The following TXNDC16 variants were observed in gnomAD, a reference collection of about 807,000 sequenced individuals.
The protein encoded by TXNDC16 is thioredoxin domain-containing protein 16.
In TXNDC16, 74 loss-of-function variants were observed where a neutral mutation model predicts 85.6. The ratio of observed to expected loss-of-function variants is 0.86; its 90% CI spans 0.72 to 1.05. The LOEUF (loss-of-function observed/expected upper bound fraction) is 1.05. TXNDC16 is among the 50% of genes least tolerant of loss of function. The pLI is 0.00. For missense variants in TXNDC16, 959 were observed against 947.0 expected (o/e 1.01, Z -0.17); for synonymous variants, 335 against 326.5 (o/e 1.03, Z -0.28).
chr14:52,467,874 A>C (rs1455608488), intron 16 of TXNDC16, among the ~76,000 whole-genome samples: 2 of 152,200 alleles, frequency 1.3e-5, no homozygotes, highest in Admixed American at 1.3e-4. Context: ...TAAACAGATA[A>C]ACAAAATAAG....
chr14:52,548,600 G>A (rs542134560), intron 1 of TXNDC16, among the ~76,000 whole-genome samples: 1 of 152,208 alleles, frequency 6.6e-6, no homozygotes, highest in Admixed American at 6.5e-5. Flanking sequence ...AACACTATTA[G>A]GCCAGGCACG....
At chr14:52,486,281 CTTTTTTTTTTT>C (rs35703912) in intron 12 of TXNDC16, among the ~76,000 whole-genome samples, 1 of 114,390 alleles carries the variant, frequency 8.7e-6, no homozygotes, top group Non-Finnish European at 1.8e-5. Flanking sequence ...ACACATGCTG[CTTTTTTTTTTT>C]TTTTTTTTTG....
At chr14:52,525,490 G>GAACA (rs893954774) in intron 6 of TXNDC16, among the ~76,000 whole-genome samples, 1 of 143,704 alleles carries the variant, frequency 7.0e-6, no homozygotes, top group African/African-American at 2.5e-5. Flanking sequence ...AGGAATTTGA[G>GAACA]AACAGCCTAA....
chr14:52,521,401 G>A (rs1453850450), intron 6 of TXNDC16, among the ~76,000 whole-genome samples: 4 of 151,848 alleles, frequency 2.6e-5, no homozygotes, highest in Non-Finnish European at 5.9e-5. Context: ...GATTACAGGC[G>A]TGAGTCACTG....
chr14:52,432,223 AAATGATTTAATATTATTCTTT>A lies in TXNDC16; in HGVS notation c.*60_*80del. On this transcript the variant is annotated 3_prime_UTR_variant, in exon 21 of 21. Coordinates refer to ENST00000281741, the MANE Select transcript of TXNDC16 (RefSeq NM_020784.3). ...TGGATGGCACTAGTCTGCAAACTTG[AAATGATTTAATATTATTCTTT>A]AAGGAAATAAATTAAGTCTATCATG... is the stretch of plus-strand genomic sequence containing the variant. 7.6e-7 allele frequency: 1 copy of A among 1,309,390 alleles called. No individual in the cohort carries two copies. Among genetic ancestry groups the A allele is most frequent in the Non-Finnish European group, 1.0e-6 (1 of 970,028 alleles). The allele number at this position is 1,309,390 out of a possible 1,614,324, so 81.1% of individuals were successfully genotyped here.
At chr14:52,530,931 T>C (rs942892641) in intron 6 of TXNDC16, among the ~76,000 whole-genome samples, 2 of 151,582 alleles carry the variant, frequency 1.3e-5, no homozygotes, top group East Asian at 1.9e-4. Flanking sequence ...TGGGAGAAAA[T>C]ACTTGTGAAA....
At chr14:52,530,430 ATAATATATAATATAT>A (rs1358232628) in intron 6 of TXNDC16, among the ~76,000 whole-genome samples, 62 of 18,046 alleles carry the variant, frequency 3.4e-3, no homozygotes, top group Admixed American at 6.0e-3. Context: ...ATTATATATA[ATAATATATAATATAT>A]TATTATATAA....
rs568190699 is a variant in TXNDC16, at chr14:52,439,813, G to A, written c.2004-419C>T. Among the ~76,000 whole-genome samples the A allele has an allele frequency of 1.1e-3, 171 of 152,160 alleles. 1 individual carries two copies. The highest frequency in any genetic ancestry group is 4.0e-3 in the African/African-American group (166 of 41,506). On this transcript the variant is annotated intron_variant, in intron 19 of 20. Coordinates refer to ENST00000281741, the MANE Select transcript of TXNDC16 (RefSeq NM_020784.3). ...AAATACTTCTTTTCCATAGAATTGTGCCTTTTCTCAGGAAAAGGCATTAAT... is the reference window on the plus strand; with the variant it reads ...AAATACTTCTTTTCCATAGAATTGTACCTTTTCTCAGGAAAAGGCATTAAT...
At chr14:52,461,568 C>A (rs567568233) in intron 16 of TXNDC16, among the ~76,000 whole-genome samples, 1 of 152,222 alleles carries the variant, frequency 6.6e-6, no homozygotes, top group East Asian at 1.9e-4. Context: ...TCCTGAGTAC[C>A]CATGTGGCAC....
intron 6 of TXNDC16, among the ~76,000 whole-genome samples, chr14:52,535,901 T>C (rs1212984505): frequency 2.0e-5 from 3 of 151,880 alleles, no homozygotes; most frequent in African/African-American, 4.8e-5. Flanking sequence ...TGCATGCCTA[T>C]AGGTCCCAGC....
At chr14:52,493,590 CATCTA>C (rs1411095576) in intron 9 of TXNDC16, among the ~76,000 whole-genome samples, 7 of 151,986 alleles carry the variant, frequency 4.6e-5, no homozygotes, top group African/African-American at 1.7e-4. Flanking sequence ...AGAGGTCTAA[CATCTA>C]AATAATGCAA....
intron 16 of TXNDC16, among the ~76,000 whole-genome samples, chr14:52,466,998 C>G (rs1480863926): frequency 6.8e-6 from 1 of 148,114 alleles, no homozygotes; most frequent in Admixed American, 6.7e-5. Context: ...GAAAAAAAAA[C>G]AAGAAAATAT....
chr14:52,471,058 C>T (rs1476491278), intron 14 of TXNDC16, among the ~76,000 whole-genome samples: 1 of 152,182 alleles, frequency 6.6e-6, no homozygotes, highest in Non-Finnish European at 1.5e-5. Flanking sequence ...CCCATATATC[C>T]TTACTACCTT....
At chr14:52,461,400 A>G (rs1203734608) in intron 16 of TXNDC16, among the ~76,000 whole-genome samples, 1 of 139,586 alleles carries the variant, frequency 7.2e-6, no homozygotes, top group African/African-American at 2.7e-5. Context: ...AAAGTACATA[A>G]ACAAACATAT....
At chr14:52,529,410 C>T (rs942618262) in intron 6 of TXNDC16, among the ~76,000 whole-genome samples, 12 of 150,746 alleles carry the variant, frequency 8.0e-5, no homozygotes, top group African/African-American at 2.9e-4. Context: ...CAACATGACA[C>T]AGGTATACAT....
rs188815997 is a variant in TXNDC16 at position 52,490,028 on chromosome 14, G to A, written c.984+363C>T. 1.8e-3 allele frequency among the ~76,000 whole-genome samples: 272 copies of A among 152,054 alleles called. 1 individual carries two copies. The highest frequency in any genetic ancestry group is 6.2e-3 in the African/African-American group (258 of 41,494). On this transcript the variant is annotated intron_variant, in intron 11 of 20. Transcript: ENST00000281741. The stretch of plus-strand genomic sequence containing the variant: ...ATTTTTTGTAGAGATGGGATCTCCC[G>A]ATGTTGCCTAGGCTGGTCTTGCACT...
intron 6 of TXNDC16, among the ~76,000 whole-genome samples, chr14:52,529,700 AAT>A (rs1491469747): frequency 2.7e-5 from 3 of 112,566 alleles, no homozygotes; most frequent in Admixed American, 1.1e-4. Flanking sequence ...TATTATATAT[AAT>A]ATATATAATG....
intron 9 of TXNDC16, among the ~76,000 whole-genome samples, chr14:52,510,629 T>C (rs2036932338): frequency 6.6e-6 from 1 of 152,220 alleles, no homozygotes; most frequent in African/African-American, 2.4e-5. Flanking sequence ...TTTGGATTAC[T>C]TATAATACAC....
intron 9 of TXNDC16, among the ~76,000 whole-genome samples, chr14:52,506,159 G>T (rs1256877051): frequency 6.6e-6 from 1 of 152,166 alleles, no homozygotes; most frequent in Non-Finnish European, 1.5e-5. Context: ...GGAGGAGCTG[G>T]TACCATTGCT....
Sources: allele counts gnomAD v4.1 joint callset (sites outside exome capture counted in the v4.1 genomes callset), GRCh38; gene constraint gnomAD v4.1.1; transcripts MANE v1.5; gene names NCBI Gene and HGNC (gene_info 2026-07-23, HGNC 2026-07-21).